GRM5: variants seen among roughly 807,000 people sequenced by gnomAD.
GRM5 encodes glutamate metabotropic receptor 5.
In GRM5, 19 loss-of-function variants were observed where a neutral mutation model predicts 83.1. The ratio of observed to expected loss-of-function variants is 0.23; its 90% CI spans 0.16 to 0.34. The LOEUF (loss-of-function observed/expected upper bound fraction) is 0.34, where lower values mean the gene tolerates loss of function less well. Among genes scored for constraint, GRM5 ranks in the 10% least tolerant of loss-of-function variants. The probability of loss-of-function intolerance (pLI) is 1.00; values close to 1 mark genes in which losing one functional copy is unlikely to be tolerated. For synonymous variants in GRM5, 675 were observed against 633.6 expected, an observed-to-expected ratio of 1.07 and a Z score of -0.98; for missense variants, 1,160 against 1,588.3, an observed-to-expected ratio of 0.73 and a Z score of 4.58.
chr11:88,787,511 A>G (rs192214589), intron 3 of GRM5, among the ~76,000 whole-genome samples: 1 of 152,176 alleles, frequency 6.6e-6, no homozygotes, highest in Non-Finnish European at 1.5e-5. Flanking sequence ...AAATGGCATG[A>G]TTTCCTATAG....
intron 7 of GRM5, among the ~76,000 whole-genome samples, chr11:88,586,024 T>C (rs538628134): frequency 6.6e-6 from 1 of 152,260 alleles, no homozygotes; most frequent in South Asian, 2.1e-4. Context: ...ATTGAGAATA[T>C]GGCTGGCTTA....
intron 3 of GRM5, among the ~76,000 whole-genome samples, chr11:88,832,504 T>C: frequency 6.6e-6 from 1 of 152,132 alleles, no homozygotes; most frequent in East Asian, 1.9e-4. Flanking sequence ...TATTCATAGA[T>C]TGAAAGAATT....
At chr11:89,042,127 C>A (rs963917079) in intron 2 of GRM5, among the ~76,000 whole-genome samples, 4 of 152,134 alleles carry the variant, frequency 2.6e-5, no homozygotes, top group African/African-American at 9.7e-5. Context: ...TCACTGCAAC[C>A]TCCACCTCCC....
At chr11:89,009,918 A>AAAAAAAAAAAAAAAAAAC (rs1940646121) in intron 2 of GRM5, among the ~76,000 whole-genome samples, 2 of 136,184 alleles carry the variant, frequency 1.5e-5, no homozygotes, top group African/African-American at 6.4e-5. Flanking sequence ...AAAAAAAAAA[A>AAAAAAAAAAAAAAAAAAC]AAAAAAAAAA....
chr11:88,996,863 C>T (rs1229992238), intron 2 of GRM5, among the ~76,000 whole-genome samples: 1 of 152,096 alleles, frequency 6.6e-6, no homozygotes, highest in Non-Finnish European at 1.5e-5. Context: ...ATCTCAAACA[C>T]ATAAATATTA....
At chr11:88,572,766 G>T (rs144433928) in intron 7 of GRM5, among the ~76,000 whole-genome samples, 72 of 152,040 alleles carry the variant, frequency 4.7e-4, no homozygotes, top group African/African-American at 1.6e-3. Flanking sequence ...TCCATCAATG[G>T]TTGTATTTTT....
chr11:88,601,904 A>G (rs1376566322), intron 5 of GRM5, among the ~76,000 whole-genome samples: 2 of 152,160 alleles, frequency 1.3e-5, no homozygotes, highest in Non-Finnish European at 2.9e-5. Context: ...AAATAAATCA[A>G]TGTGACTGGG....
intron 4 of GRM5, among the ~76,000 whole-genome samples, chr11:88,609,041 T>C (rs1938245470): frequency 6.6e-6 from 1 of 152,236 alleles, no homozygotes; most frequent in Non-Finnish European, 1.5e-5. Context: ...GCAGGTTTGT[T>C]ACATGGGTAA....
chr11:88,597,870 G>A (rs907242781), intron 5 of GRM5, among the ~76,000 whole-genome samples: 1 of 152,042 alleles, frequency 6.6e-6, no homozygotes, highest in East Asian at 1.9e-4. Flanking sequence ...TGAGAGTGAT[G>A]TTTAAAAAAG....
chr11:88,694,758 T>C (rs1940861710), intron 3 of GRM5, among the ~76,000 whole-genome samples: 1 of 152,184 alleles, frequency 6.6e-6, no homozygotes, highest in Non-Finnish European at 1.5e-5. Context: ...GGTGTTTTTC[T>C]TTTATTATAT....
At chr11:88,655,941 T>C (rs1939757702) in intron 3 of GRM5, among the ~76,000 whole-genome samples, 1 of 152,122 alleles carries the variant, frequency 6.6e-6, no homozygotes, top group Non-Finnish European at 1.5e-5. Context: ...ACTGGCTAAA[T>C]TAGAGGGTGC....
Position 89,047,919 on chromosome 11 carries a change from T to A in GRM5, c.-47A>T. The A allele has an allele frequency of 6.9e-7, 1 of 1,450,286 alleles. No individual in the cohort carries two copies. Among genetic ancestry groups the A allele is most frequent in the Non-Finnish European group, 9.6e-7 (1 of 1,040,396 alleles). The allele number at this position is 1,450,286 out of a possible 1,614,324, so 89.8% of individuals were successfully genotyped here. On this transcript the variant is annotated 5_prime_UTR_variant, in exon 2 of 10. Transcript: ENST00000305447. The surrounding 1 kb of genome is among the most constrained non-coding windows in gnomAD (Gnocchi z 5.1). ...AATAAAGATAGCATGGTGGGGAAAA[T>A]TCAGGAGGGTTCTGATAGCTACGAA...
chr11:88,595,481 A>G (rs183652981), intron 6 of GRM5, among the ~76,000 whole-genome samples: 4 of 152,244 alleles, frequency 2.6e-5, no homozygotes, highest in African/African-American at 4.8e-5. Flanking sequence ...TCTTGCACAT[A>G]TAAGTGAGAA....
chr11:88,794,571 A>G (rs1370710036), intron 3 of GRM5, among the ~76,000 whole-genome samples: 2 of 152,204 alleles, frequency 1.3e-5, no homozygotes, highest in East Asian at 3.8e-4. Flanking sequence ...TTAGAAATCT[A>G]TTCCAGTTGA....
intron 8 of GRM5, among the ~76,000 whole-genome samples, chr11:88,545,402 A>C (rs1208815873): frequency 6.6e-6 from 1 of 151,578 alleles, no homozygotes; most frequent in Non-Finnish European, 1.5e-5. Flanking sequence ...TACCTTACCC[A>C]CCCCAATCCA....
chr11:88,551,518 T>A (rs970373876), intron 8 of GRM5, among the ~76,000 whole-genome samples: 2 of 152,164 alleles, frequency 1.3e-5, no homozygotes, highest in African/African-American at 2.4e-5. Context: ...CAATTCTTTT[T>A]TCCCCCTCCA....
intron 2 of GRM5, among the ~76,000 whole-genome samples, chr11:88,905,887 A>G (rs1274765203): frequency 6.6e-6 from 1 of 152,174 alleles, no homozygotes; most frequent in Non-Finnish European, 1.5e-5. Flanking sequence ...GGGGACAAGG[A>G]AGAGAAACAT....
At chr11:88,929,557 C>A (rs984228586) in intron 2 of GRM5, among the ~76,000 whole-genome samples, 1 of 151,970 alleles carries the variant, frequency 6.6e-6, no homozygotes, top group Non-Finnish European at 1.5e-5. Context: ...ACGAAAAGTC[C>A]GGCAACAGAA....
chr11:89,041,677 AT>A (rs889633457), intron 2 of GRM5, among the ~76,000 whole-genome samples: 5 of 152,130 alleles, frequency 3.3e-5, no homozygotes, highest in Admixed American at 2.0e-4. Context: ...AGCTATCTGT[AT>A]TTTTTTCACT....
Sources: allele counts gnomAD v4.1 joint callset (sites outside exome capture counted in the v4.1 genomes callset), GRCh38; gene constraint gnomAD v4.1.1; non-coding constraint Gnocchi (gnomAD v3.1); transcripts MANE v1.5; gene names NCBI Gene and HGNC (gene_info 2026-07-23, HGNC 2026-07-21).